The following STRN variants were observed in gnomAD, a reference collection of about 807,000 sequenced individuals.
STRN encodes protein phosphatase 2 regulatory subunit B'''alpha.
Under a neutral mutation model 96.3 loss-of-function variants are expected in STRN, and 53 were observed. The observed-to-expected ratio is 0.55, with a 90% CI of 0.44 to 0.69. The LOEUF is 0.69. Ranked by LOEUF, STRN falls within the 30% of genes least tolerant of loss-of-function variation. The pLI is 0.00. For synonymous variants in STRN, 428 were observed against 355.9 expected (o/e 1.20, Z -2.28); for missense variants, 987 against 963.9 (o/e 1.02, Z -0.32).
At chr2:36,895,281 C>T (rs1378633523) in intron 6 of STRN, among the ~76,000 whole-genome samples, 1 of 151,070 alleles carries the variant, frequency 6.6e-6, no homozygotes, top group Non-Finnish European at 1.5e-5. Context: ...GAGCCAAGAT[C>T]GCGCCACTGC....
At chr2:36,851,151 A>T (rs1467067024) in intron 15 of STRN, 44 bp from the exon 16 acceptor site, 1 of 1,503,448 alleles carries the variant, frequency 6.7e-7, no homozygotes, top group African/African-American at 1.4e-5. Flanking sequence ...AGTCAAAGAT[A>T]TTTTTCACAC....
At chr2:36,919,329 C>G (rs1670187812) in intron 2 of STRN, among the ~76,000 whole-genome samples, 1 of 152,130 alleles carries the variant, frequency 6.6e-6, no homozygotes, top group Non-Finnish European at 1.5e-5. Context: ...ATTATCTAAT[C>G]TAATTCGGTC....
rs1668315262 is a variant in STRN, at chr2:36,855,246, T to C, written c.1944A>G (p.Gln648=). ...YTSIFNMETQ[Q]RILTLESNVD... ...CATTGGATTCTAAAGTGAGAATGCG[T>C]TGTTGTGTTTCCATGTTAAAAATGC... The change falls in exon 15 of 18, where the codon CAA becomes CAG. Residue 648 remains glutamine (Q), a synonymous_variant. Transcript: ENST00000263918. 2 of 1,613,808 alleles carry C rather than the reference T, an allele frequency of 1.2e-6. No homozygotes were observed. Among genetic ancestry groups the C allele is most frequent in the African/African-American group, 1.3e-5 (1 of 75,020 alleles).
chr2:36,940,379 T>C (rs1670814747), intron 1 of STRN, among the ~76,000 whole-genome samples: 1 of 152,102 alleles, frequency 6.6e-6, no homozygotes, highest in South Asian at 2.1e-4. Flanking sequence ...TATATAGAGC[T>C]GAATCATCAC....
chr2:36,893,869 C>T, intron 7 of STRN, 29 bp downstream of exon 7: 3 of 1,575,720 alleles, frequency 1.9e-6, no homozygotes, highest in Non-Finnish European at 2.6e-6. Flanking sequence ...TACTTAACAT[C>T]TCTGGTTGGA....
intron 2 of STRN, among the ~76,000 whole-genome samples, chr2:36,918,969 T>C (rs1472453071): frequency 2.0e-5 from 3 of 152,296 alleles, no homozygotes; most frequent in Admixed American, 6.5e-5. Flanking sequence ...ATGACCTTTA[T>C]TGGATAAAAG....
In STRN at chr2:36,838,117, G is replaced by C. The variant is rs910871180; in HGVS notation, c.*11339C>G. Among the ~76,000 whole-genome samples the C allele has an allele frequency of 6.6e-6, 1 of 152,160 alleles. No homozygotes were observed. The highest frequency in any genetic ancestry group is 1.5e-5 in the Non-Finnish European group (1 of 68,020). On this transcript the variant is annotated 3_prime_UTR_variant, in exon 18 of 18. Coordinates refer to ENST00000263918, the MANE Select transcript of STRN (RefSeq NM_003162.4). Reference sequence around the variant, plus strand: ...GAGCCCTTTAAAAGCAGTTTTCTCTGGCTGGTAGAAGTAGAGTCAAAGTAT... The same window carrying C: ...GAGCCCTTTAAAAGCAGTTTTCTCTCGCTGGTAGAAGTAGAGTCAAAGTAT...
At chr2:36,919,694 C>T (rs921120317) in intron 2 of STRN, among the ~76,000 whole-genome samples, 16 of 151,794 alleles carry the variant, frequency 1.1e-4, no homozygotes, top group Admixed American at 9.8e-4. Flanking sequence ...ATATGGAAGA[C>T]GAATTAAAAT....
chr2:36,904,807 G>A (rs1174122501), intron 4 of STRN, among the ~76,000 whole-genome samples: 2 of 152,092 alleles, frequency 1.3e-5, no homozygotes, highest in Non-Finnish European at 2.9e-5. Context: ...CAGCCTGAGC[G>A]ACAGAGTGAG....
At position 36,851,115 on chromosome 2, in the gene STRN, G is replaced by GA. The variant is rs1167640561; in HGVS notation, c.1979-9dup. 2 of 1,602,568 alleles carry GA rather than the reference G, an allele frequency of 1.2e-6. No individual in the cohort carries two copies. Among genetic ancestry groups the GA allele is most frequent in the Non-Finnish European group, 1.7e-6 (2 of 1,172,406 alleles). On this transcript the variant is annotated splice_polypyrimidine_tract_variant and intron_variant, in intron 15 of 17. Coordinates refer to ENST00000263918, the MANE Select transcript of STRN (RefSeq NM_003162.4). ...GGCAGGAAGAGTTGGCTGCTAAAAA[G>GA]AAAAAATTAAAAAGCAACACAACTT...
At chr2:36,872,995 C>T (rs1044262053) in intron 10 of STRN, among the ~76,000 whole-genome samples, 2 of 152,162 alleles carry the variant, frequency 1.3e-5, no homozygotes, top group Non-Finnish European at 2.9e-5. Context: ...GCTGAGAAGC[C>T]GAGTAGTTTT....
At chr2:36,928,755 C>A (rs1558657177) in intron 1 of STRN, among the ~76,000 whole-genome samples, 1 of 151,222 alleles carries the variant, frequency 6.6e-6, no homozygotes, top group East Asian at 1.9e-4. Flanking sequence ...CCAGCCTGAC[C>A]AAGATGGTGA....
chr2:36,854,546 T>TGTACACACATGCATGTGCAC (rs765654401), intron 15 of STRN, among the ~76,000 whole-genome samples: 1 of 152,194 alleles, frequency 6.6e-6, no homozygotes, highest in African/African-American at 2.4e-5. Flanking sequence ...TGCATGTACA[T>TGTACACACATGCATGTGCAC]GTTCACACAT....
In STRN at chr2:36,840,494, A is replaced by G. The variant is rs1667925892; in HGVS notation, c.*8962T>C. 1 of 151,844 alleles carries G rather than the reference A, an allele frequency of 6.6e-6. No individual in the cohort carries two copies. Among genetic ancestry groups the G allele is most frequent in the African/African-American group, 2.4e-5 (1 of 41,322 alleles). The allele number at this position is 151,844 out of a possible 1,614,324, so 9.4% of individuals were successfully genotyped here. ...AAGGTGCAGACCTCAATCTCAGGAT[A>G]AGCTCCACAGAACCAAATGCATTTG... On this transcript the variant is annotated 3_prime_UTR_variant, in exon 18 of 18. Transcript: ENST00000263918.
intron 9 of STRN, 62 bp from the exon 10 acceptor site, chr2:36,878,089 T>C (rs1668964175): frequency 6.3e-7 from 1 of 1,580,696 alleles, no homozygotes; most frequent in African/African-American, 1.4e-5. Flanking sequence ...TTAGTCTCAT[T>C]TGCTTGCATC....
At chr2:36,861,334 TA>T (rs1231695498) in intron 12 of STRN, 81 bp from the exon 13 acceptor site, 2 of 1,540,122 alleles carry the variant, frequency 1.3e-6, no homozygotes, top group African/African-American at 1.4e-5. Flanking sequence ...TAAGAATGTT[TA>T]ATTACCCAAA....
chr2:36,923,511 TCCATGTC>T (rs1670319309), intron 2 of STRN, among the ~76,000 whole-genome samples: 1 of 152,072 alleles, frequency 6.6e-6, no homozygotes, highest in Non-Finnish European at 1.5e-5. Context: ...GTTTTTTCTT[TCCATGTC>T]CCTAATACAG....
At chr2:36,954,301 A>T (rs755548945) in intron 1 of STRN, among the ~76,000 whole-genome samples, 2 of 152,076 alleles carry the variant, frequency 1.3e-5, no homozygotes, top group Non-Finnish European at 2.9e-5. Flanking sequence ...ACTTGAGGCC[A>T]GGAGTTCAAG....
intron 1 of STRN, among the ~76,000 whole-genome samples, chr2:36,964,814 G>T (rs1278676070): frequency 1.3e-5 from 2 of 152,194 alleles, no homozygotes; most frequent in Non-Finnish European, 2.9e-5. Flanking sequence ...TTGCTGGACT[G>T]TTTGCCTCTC....
Sources: gnomAD v4.1 joint callset for allele counts (sites outside exome capture counted in the v4.1 genomes callset) on GRCh38, gnomAD v4.1.1 for gene constraint, MANE v1.5 for transcripts, NCBI Gene and HGNC (gene_info 2026-07-23, HGNC 2026-07-21) for gene names.